UBXN4: variants seen among roughly 807,000 people sequenced by gnomAD.
UBXN4 encodes the protein UBX domain protein 4, also known as UBX domain-containing protein 4.
UBXN4 carries 35 observed loss-of-function variants against 66.2 expected under a neutral mutation model. That is an observed-to-expected ratio of 0.53 (90% CI 0.40 to 0.70). The LOEUF (loss-of-function observed/expected upper bound fraction) is 0.70, where lower values mean the gene tolerates loss of function less well. Among genes scored for constraint, UBXN4 ranks in the 30% least tolerant of loss-of-function variants. UBXN4 has a pLI of 0.00. For synonymous variants in UBXN4, 203 were observed against 204.5 expected, an observed-to-expected ratio of 0.99 and a Z score of 0.06; for missense variants, 533 against 599.8, an observed-to-expected ratio of 0.89 and a Z score of 1.16.
At chr2:135,759,750 G>A (rs950532945) in intron 5 of UBXN4, among the ~76,000 whole-genome samples, 2 of 128,630 alleles carry the variant, frequency 1.6e-5, no homozygotes, top group Non-Finnish European at 3.5e-5. Context: ...TTATTGAGGT[G>A]TTTTTTCAAT....
At chr2:135,776,016 G>A (rs765575487) in intron 9 of UBXN4, among the ~76,000 whole-genome samples, 8 of 152,160 alleles carry the variant, frequency 5.3e-5, no homozygotes, top group South Asian at 2.1e-4. Flanking sequence ...TGATCCGCCC[G>A]CCTTGGCCTC....
intron 9 of UBXN4, among the ~76,000 whole-genome samples, chr2:135,773,988 C>T (rs1343376679): frequency 6.6e-6 from 1 of 152,172 alleles, no homozygotes; most frequent in African/African-American, 2.4e-5. Context: ...TTCAACACTC[C>T]TATCAAAATT....
At chr2:135,759,653 C>A (rs2077300166) in intron 5 of UBXN4, among the ~76,000 whole-genome samples, 1 of 151,980 alleles carries the variant, frequency 6.6e-6, no homozygotes, top group African/African-American at 2.4e-5. Context: ...TACATTATGC[C>A]TGTTATTCCA....
chr2:135,782,774 G>GA lies in UBXN4; in HGVS notation c.1419dup (p.Arg474ThrfsTer6), dbSNP rs1396146149. The GA allele has an allele frequency of 6.2e-7, 1 of 1,613,782 alleles. No individual in the cohort carries two copies. The highest frequency in any genetic ancestry group is 1.7e-5 in the Admixed American group (1 of 59,954). ...GGAACCAGTGAGAAAAAGAGTGCTG[G>GA]AAAAACGTGGAGACGACTTTAAAAA... On this transcript the variant is annotated frameshift_variant, in exon 13 of 13. Coordinates refer to ENST00000272638, the MANE Select transcript of UBXN4 (RefSeq NM_014607.4). LOFTEE classifies it high-confidence loss of function.
chr2:135,757,319 A>G (rs1255782942), intron 5 of UBXN4, among the ~76,000 whole-genome samples: 1 of 152,140 alleles, frequency 6.6e-6, no homozygotes, highest in East Asian at 1.9e-4. Context: ...TATGTTATAC[A>G]TTTTTTAGTT....
intron 9 of UBXN4, among the ~76,000 whole-genome samples, chr2:135,775,949 AG>A (rs371382299): frequency 4.9e-4 from 74 of 152,242 alleles, no homozygotes; most frequent in African/African-American, 1.8e-3. Flanking sequence ...TGTATTTTTT[AG>A]TAGAGACAGG....
At position 135,780,198 on chromosome 2, in the gene UBXN4, G is replaced by T. The variant is rs1341282191; in HGVS notation, c.1201G>T (p.Ala401Ser). 9 of 1,613,918 alleles carry T rather than the reference G, an allele frequency of 5.6e-6. No homozygotes were observed. In the South Asian group the frequency reaches 8.8e-5, roughly 16 times the overall value. The change falls in exon 12 of 13, where the codon GCA (alanine) becomes TCA (serine). Residue 401 changes from alanine (A) to serine (S), a missense_variant. Transcript: ENST00000272638. Reference sequence around the variant, plus strand: ...TAATTTCTAGGCAGGAAGACCAACTGCATCCATTGTACACTCTTCCAGCGG... The same window carrying T: ...TAATTTCTAGGCAGGAAGACCAACTTCATCCATTGTACACTCTTCCAGCGG... ...VVLLPAGRPT[A>S]SIVHSSSGDI... is the part of the protein sequence containing the mutation.
At chr2:135,767,457 T>G (rs1426225957) in intron 6 of UBXN4, among the ~76,000 whole-genome samples, 1 of 152,214 alleles carries the variant, frequency 6.6e-6, no homozygotes, top group African/African-American at 2.4e-5. Flanking sequence ...ATGATCACTA[T>G]CCTGAATCGA....
chr2:135,749,262 T>C (rs1045627301), intron 2 of UBXN4, among the ~76,000 whole-genome samples: 3 of 152,200 alleles, frequency 2.0e-5, no homozygotes, highest in African/African-American at 4.8e-5. Flanking sequence ...ATACATTGAA[T>C]ATCTCTGAGA....
rs558560753 is a variant in UBXN4, at chr2:135,784,382, G to C, written c.*1495G>C. The C allele has an allele frequency of 5.3e-5, 8 of 152,268 alleles. No homozygotes were observed. The highest frequency in any genetic ancestry group is 1.2e-4 in the Non-Finnish European group (8 of 68,016). The allele number at this position is 152,268 out of a possible 1,614,324, so 9.4% of individuals were successfully genotyped here. A position where few individuals can be genotyped will look rare whatever the true frequency, so the allele number is the denominator to read the frequency against. On this transcript the variant is annotated 3_prime_UTR_variant, in exon 13 of 13. Transcript: ENST00000272638. ...CTGTTAAGTGTTGGGGGAAAAAGCA[G>C]CAGGATCCAGAGCTATAGGTACAGT...
At chr2:135,779,198 A>C in intron 11 of UBXN4, 119 bp downstream of exon 11, 1 of 1,079,144 alleles carries the variant, frequency 9.3e-7, no homozygotes, top group South Asian at 3.2e-5. Flanking sequence ...TTAAAATTCA[A>C]GTGATCCAAT....
chr2:135,768,424 C>T (rs954920868), intron 6 of UBXN4, among the ~76,000 whole-genome samples: 2 of 152,036 alleles, frequency 1.3e-5, no homozygotes, highest in Non-Finnish European at 2.9e-5. Context: ...GTCTCAAACT[C>T]CTGACCTCGT....
intron 11 of UBXN4, among the ~76,000 whole-genome samples, chr2:135,779,423 A>G (rs148504936): frequency 1.1e-3 from 175 of 152,328 alleles, no homozygotes; most frequent in African/African-American, 3.8e-3. Context: ...CTGTTTGCCA[A>G]AAATAACATG....
At chr2:135,764,588 T>C (rs1458502253) in intron 6 of UBXN4, among the ~76,000 whole-genome samples, 1 of 149,058 alleles carries the variant, frequency 6.7e-6, no homozygotes, top group Non-Finnish European at 1.5e-5. Flanking sequence ...CTGTAGCCTC[T>C]GACTCCCGGG....
chr2:135,783,536 T>C lies in UBXN4; in HGVS notation c.*649T>C, dbSNP rs2077462912. ...TTGCCCTGGAGCTGTCTCTGGAAAG[T>C]AGCTGGCGAGGTTACCTTAACTATC... On this transcript the variant is annotated 3_prime_UTR_variant, in exon 13 of 13. Transcript: ENST00000272638. 1 of 152,082 alleles carries C rather than the reference T, an allele frequency of 6.6e-6. No homozygotes were observed. The allele number at this position is 152,082 out of a possible 1,614,324, so 9.4% of individuals were successfully genotyped here.
At chr2:135,772,945 G>A (rs1413930817) in intron 9 of UBXN4, among the ~76,000 whole-genome samples, 1 of 149,386 alleles carries the variant, frequency 6.7e-6, no homozygotes, top group African/African-American at 2.5e-5. Flanking sequence ...GCTGAGGCAG[G>A]AGAATGGCGT....
In UBXN4 at chr2:135,780,379, A is replaced by G. The variant is rs2077442199; in HGVS notation, c.1382A>G (p.Glu461Gly). ...PPNPASSSKS[E>G]KREPVRKRVL... ...AACCCTGCATCATCTAGCAAATCAG[A>G]AAAAAGGTATCTGTGTGTGTTTTCC... Residue 461 changes from glutamate to glycine, a missense_variant, in exon 12 of 13, where the codon GAA becomes GGA. Physicochemically the swap from Glu to Gly is moderately conservative, Grantham distance 98. Around this residue, in one of 2 missense-constraint regions of UBXN4, gnomAD observed 529 missense variants for 580.1 expected, o/e 0.91. Transcript: ENST00000272638. The G allele has an allele frequency of 2.5e-6, 4 of 1,613,358 alleles. No individual in the cohort carries two copies. The East Asian group carries it at 6.7e-5, about 27-fold the overall frequency.
chr2:135,769,888 A>T, intron 7 of UBXN4, 65 bp downstream of exon 7: 1 of 1,004,390 alleles, frequency 1.0e-6, no homozygotes, highest in Non-Finnish European at 1.5e-6. Flanking sequence ...TGATTATTCT[A>T]TTCAGTGTGG....
At chr2:135,762,838 C>T (rs1175947432) in intron 6 of UBXN4, among the ~76,000 whole-genome samples, 1 of 152,188 alleles carries the variant, frequency 6.6e-6, no homozygotes, top group African/African-American at 2.4e-5. Context: ...GATTTGCTAA[C>T]ACCAGGCCCA....
Sources: allele counts gnomAD v4.1 joint callset (sites outside exome capture counted in the v4.1 genomes callset), GRCh38; gene constraint gnomAD v4.1.1; regional missense constraint gnomAD v4.1.1; transcripts MANE v1.5; gene names NCBI Gene and HGNC (gene_info 2026-07-23, HGNC 2026-07-21).